The following TSPAN5 variants were observed in gnomAD, a reference collection of about 807,000 sequenced individuals.
TSPAN5 encodes tetraspanin 5.
In TSPAN5, 10 loss-of-function variants were observed where a neutral mutation model predicts 37.1. The observed-to-expected ratio is 0.27, with a 90% CI of 0.17 to 0.46. The LOEUF (loss-of-function observed/expected upper bound fraction) is 0.46, where lower values mean the gene tolerates loss of function less well. Among genes scored for constraint, TSPAN5 ranks in the 20% least tolerant of loss-of-function variants. TSPAN5 has a pLI of 1.00. For synonymous variants in TSPAN5, 110 were observed against 118.9 expected, an observed-to-expected ratio of 0.93 and a Z score of 0.48; for missense variants, 195 against 326.6, an observed-to-expected ratio of 0.60 and a Z score of 3.11.
chr4:98,554,251 C>T (rs1754687998), intron 1 of TSPAN5, among the ~76,000 whole-genome samples: 1 of 152,092 alleles, frequency 6.6e-6, no homozygotes, highest in Admixed American at 6.5e-5. Flanking sequence ...TCTTCCAACT[C>T]CTCAAAATAT....
chr4:98,658,229 T>A lies in TSPAN5; in HGVS notation c.-3A>T. 2 of 1,613,668 alleles carry A rather than the reference T, an allele frequency of 1.2e-6. No homozygotes were observed. Among genetic ancestry groups the A allele is most frequent in the Non-Finnish European group, 1.7e-6 (2 of 1,179,572 alleles). On this transcript the variant is annotated 5_prime_UTR_variant, in exon 1 of 8. Coordinates refer to ENST00000305798, the MANE Select transcript of TSPAN5 (RefSeq NM_005723.4). ...CCCTTGTAGTGCTTCCCGGACATCC[T>A]CTGGGTTCATGAAGACACTTGCCCC...
chr4:98,635,338 G>GACTT (rs1756831072), intron 1 of TSPAN5, among the ~76,000 whole-genome samples: 1 of 152,188 alleles, frequency 6.6e-6, no homozygotes, highest in Non-Finnish European at 1.5e-5. Context: ...TAGCACCAAA[G>GACTT]AGGTCATGGT....
intron 1 of TSPAN5, among the ~76,000 whole-genome samples, chr4:98,621,402 C>T (rs868146116): frequency 5.1e-5 from 7 of 136,936 alleles, no homozygotes; most frequent in Admixed American, 1.5e-4. Context: ...GAGTCTCGCT[C>T]TGTCTCCCAG....
intron 2 of TSPAN5, among the ~76,000 whole-genome samples, chr4:98,493,770 G>A (rs72688442): frequency 0.32 from 48,777 of 151,950 alleles, 7,873 homozygotes; most frequent in African/African-American, 0.38. Flanking sequence ...CTGCCTCTGA[G>A]GTCTACAGCT....
At chr4:98,489,239 T>C (rs1339422654) in intron 2 of TSPAN5, among the ~76,000 whole-genome samples, 1 of 152,150 alleles carries the variant, frequency 6.6e-6, no homozygotes, top group Non-Finnish European at 1.5e-5. Context: ...CGAATAAGAA[T>C]TCCTAAGCCT....
At chr4:98,576,482 C>T (rs1226112398) in intron 1 of TSPAN5, among the ~76,000 whole-genome samples, 1 of 152,040 alleles carries the variant, frequency 6.6e-6, no homozygotes, top group Non-Finnish European at 1.5e-5. Context: ...ACCTGTAATC[C>T]CAGACAACAT....
At chr4:98,528,414 A>T (rs1223717430) in intron 1 of TSPAN5, among the ~76,000 whole-genome samples, 3 of 143,752 alleles carry the variant, frequency 2.1e-5, no homozygotes, top group African/African-American at 7.6e-5. Context: ...GTAACAGATG[A>T]TTTTTTTTTT....
Position 98,658,376 on chromosome 4 carries a change from G to C in TSPAN5, c.-150C>G, listed in dbSNP as rs969805582. 1.9e-6 allele frequency: 1 copy of C among 522,468 alleles called. No individual in the cohort carries two copies. Among genetic ancestry groups the C allele is most frequent in the South Asian group, 2.9e-5 (1 of 34,508 alleles). 32.4% of individuals were successfully genotyped at this position (522,468 alleles called of 1,614,324 possible). A position where few individuals can be genotyped will look rare whatever the true frequency, so the allele number is the denominator to read the frequency against. ...GCCTGGGCTCAGCCGCGCGGGGACC[G>C]ACCGGCGGAGAGCGGCTCCCGCACC... On this transcript the variant is annotated 5_prime_UTR_variant, in exon 1 of 8. Transcript: ENST00000305798.
chr4:98,607,642 A>G (rs928923139), intron 1 of TSPAN5, among the ~76,000 whole-genome samples: 2 of 151,382 alleles, frequency 1.3e-5, no homozygotes, highest in African/African-American at 2.4e-5. Flanking sequence ...CCTTCCTTAC[A>G]TGCTTTTTGC....
At chr4:98,552,029 T>G (rs1051309986) in intron 1 of TSPAN5, among the ~76,000 whole-genome samples, 10 of 152,204 alleles carry the variant, frequency 6.6e-5, no homozygotes, top group African/African-American at 2.4e-4. Context: ...TGATCTTATA[T>G]TTCCATGATC....
intron 1 of TSPAN5, among the ~76,000 whole-genome samples, chr4:98,534,516 T>C (rs1201460281): frequency 2.6e-5 from 4 of 152,236 alleles, no homozygotes; most frequent in Non-Finnish European, 4.4e-5. Context: ...GAGAGTTCTG[T>C]AGATGTCTAT....
intron 1 of TSPAN5, among the ~76,000 whole-genome samples, chr4:98,648,734 C>G (rs1484360228): frequency 6.6e-6 from 1 of 152,250 alleles, no homozygotes; most frequent in African/African-American, 2.4e-5. Context: ...ACACCACCCA[C>G]GCCCAGCTCT....
chr4:98,476,349 C>T, intron 6 of TSPAN5, 44 bp from the exon 7 acceptor site: 2 of 1,612,760 alleles, frequency 1.2e-6, no homozygotes, highest in Non-Finnish European at 1.7e-6. Flanking sequence ...GATAGAGCAC[C>T]AGGCACAGGC....
chr4:98,481,558 T>C (rs188813202), intron 4 of TSPAN5, among the ~76,000 whole-genome samples: 2 of 152,322 alleles, frequency 1.3e-5, no homozygotes, highest in Non-Finnish European at 2.9e-5. Flanking sequence ...GATAGGCACA[T>C]TTTAGGAACT....
Position 98,615,682 on chromosome 4 carries a change from G to A in TSPAN5, c.81+42464C>T, listed in dbSNP as rs529590083. 4.6e-5 allele frequency among the ~76,000 whole-genome samples: 7 copies of A among 152,290 alleles called. No homozygotes were observed. In the South Asian group the frequency reaches 1.0e-3, roughly 23 times the overall value. ...CTAAAAATACCAAAATTAGCAGGGC[G>A]TGGTAATGTATGCCTGTAATCCCAG... On this transcript the variant is annotated intron_variant, in intron 1 of 7. Transcript: ENST00000305798.
chr4:98,523,725 C>T (rs1468880942), intron 1 of TSPAN5, among the ~76,000 whole-genome samples: 1 of 152,212 alleles, frequency 6.6e-6, no homozygotes. Context: ...AGGCATAAGC[C>T]ACCGTGCCCA....
At chr4:98,564,137 C>T (rs1386219805) in intron 1 of TSPAN5, among the ~76,000 whole-genome samples, 1 of 152,232 alleles carries the variant, frequency 6.6e-6, no homozygotes, top group South Asian at 2.1e-4. Flanking sequence ...TCCCCAGCCC[C>T]TCCTGTTATC....
chr4:98,511,363 G>A (rs1041643131), intron 1 of TSPAN5, among the ~76,000 whole-genome samples: 1 of 152,166 alleles, frequency 6.6e-6, no homozygotes, highest in Admixed American at 6.5e-5. Flanking sequence ...AGATGGTACA[G>A]CCTATGACGC....
chr4:98,536,859 G>A (rs1436489321), intron 1 of TSPAN5, among the ~76,000 whole-genome samples: 1 of 152,170 alleles, frequency 6.6e-6, no homozygotes, highest in Admixed American at 6.5e-5. Context: ...AAGCTCTAGT[G>A]CCCCAGGTGG....
Sources: gnomAD v4.1 joint callset for allele counts (sites outside exome capture counted in the v4.1 genomes callset) on GRCh38, gnomAD v4.1.1 for gene constraint, MANE v1.5 for transcripts, NCBI Gene and HGNC (gene_info 2026-07-23, HGNC 2026-07-21) for gene names.